GABRR2: variants seen among roughly 807,000 people sequenced by gnomAD.
GABRR2 encodes the protein gamma-aminobutyric acid type A receptor subunit rho2.
A neutral mutation model predicts 47.0 loss-of-function variants in GABRR2; 36 were observed. The ratio of observed to expected loss-of-function variants is 0.77; its 90% CI spans 0.59 to 1.01. GABRR2 has a LOEUF of 1.01. Ranked by LOEUF, GABRR2 falls within the 50% of genes least tolerant of loss-of-function variation. The pLI, the probability that GABRR2 is intolerant of heterozygous loss-of-function variation, is 0.00. For synonymous variants in GABRR2, 204 were observed against 227.5 expected (o/e 0.90, Z 0.93); for missense variants, 587 against 594.6 (o/e 0.99, Z 0.13).
At chr6:89,302,211 C>T (rs1459689437) in intron 1 of GABRR2, 5 of 559,062 alleles carry the variant, frequency 8.9e-6, no homozygotes, top group Admixed American at 4.0e-5. Context: ...GGCACAAGCT[C>T]GGGTATGGGC....
In GABRR2 at chr6:89,303,444, CAAAG is replaced by C. The variant is rs1179249137; in HGVS notation, c.114-3583_114-3580del. 9.4e-4 allele frequency among the ~76,000 whole-genome samples: 142 copies of C among 151,332 alleles called. 1 individual carries two copies. The highest frequency in any genetic ancestry group is 3.4e-3 in the African/African-American group (140 of 41,206). ...AAAAAAAAAGAAATCAGAGATGACACAAAGAAATGAAAATACATTTCATGCTCAT... is the reference window on the plus strand; with the variant it reads ...AAAAAAAAAGAAATCAGAGATGACACAAATGAAAATACATTTCATGCTCAT... On this transcript the variant is annotated intron_variant, in intron 1 of 8. Coordinates refer to ENST00000402938, the MANE Select transcript of GABRR2 (RefSeq NM_002043.5).
In GABRR2 at chr6:89,299,771, G is replaced by T. The variant is rs746361712; in HGVS notation, c.208C>A (p.Pro70Thr). 4 of 1,612,938 alleles carry T rather than the reference G, an allele frequency of 2.5e-6. No individual in the cohort carries two copies. Among genetic ancestry groups the T allele is most frequent in the African/African-American group, 1.3e-5 (1 of 74,910 alleles). The change falls in exon 2 of 9, where the codon CCC becomes ACC. Residue 70 changes from proline (P) to threonine (T), a missense_variant. Coordinates refer to ENST00000402938, the MANE Select transcript of GABRR2 (RefSeq NM_002043.5). ...RVDEHDFSMRPAFGGPAIPVG... is the reference protein window; with the variant it reads ...RVDEHDFSMRTAFGGPAIPVG... ...AGAACAGTCCTACCTCCGAAGGCGG[G>T]TCTCATGCTGAAGTCGTGCTCGTCC...
chr6:89,275,714 G>C (rs1319180244), intron 2 of GABRR2, among the ~76,000 whole-genome samples: 1 of 152,220 alleles, frequency 6.6e-6, no homozygotes, highest in Non-Finnish European at 1.5e-5. Context: ...GGGGAATTGA[G>C]AGGCAGAGAG....
chr6:89,310,734 A>C (rs1201486891), intron 1 of GABRR2, among the ~76,000 whole-genome samples: 1 of 118,808 alleles, frequency 8.4e-6, no homozygotes, highest in Non-Finnish European at 1.6e-5. Flanking sequence ...TTAGATGAGA[A>C]GCGGGAGGGG....
intron 2 of GABRR2, among the ~76,000 whole-genome samples, chr6:89,295,267 AG>A (rs1184255481): frequency 6.6e-6 from 1 of 152,188 alleles, no homozygotes; most frequent in East Asian, 1.9e-4. Context: ...ACAGTGTAAA[AG>A]TGTTCCTATT....
rs1287464651 is a variant in GABRR2, at chr6:89,268,054, A to C, written c.555T>G (p.Phe185Leu). ...AAGAACAGGTCTGGGAGTCCAGGGG[A>C]AAGTGGCTGAAGTCCATGTTGCACA... ...TAMCNMDFSH[F>L]PLDSQTCSLE... Residue 185 changes from phenylalanine to leucine, a missense_variant, in exon 5 of 9, where the codon TTT becomes TTG. Physicochemically the swap from Phe to Leu is conservative, Grantham distance 22. Transcript: ENST00000402938. 1 of 1,611,894 alleles carries C rather than the reference A, an allele frequency of 6.2e-7. No homozygotes were observed. The highest frequency in any genetic ancestry group is 2.2e-5 in the East Asian group (1 of 44,852).
intron 1 of GABRR2, among the ~76,000 whole-genome samples, chr6:89,310,864 A>G (rs1045945916): frequency 2.0e-5 from 3 of 152,204 alleles, no homozygotes; most frequent in African/African-American, 7.2e-5. Context: ...GGTAATGGGA[A>G]GACAACGAAG....
At chr6:89,263,953 C>T (rs1415347629) in intron 8 of GABRR2, among the ~76,000 whole-genome samples, 1 of 152,136 alleles carries the variant, frequency 6.6e-6, no homozygotes, top group African/African-American at 2.4e-5. Flanking sequence ...TAAATAAAGG[C>T]ACTTTTTGTT....
rs1413578788 is a variant in GABRR2 at position 89,267,914 on chromosome 6, G to A, written c.596-95C>T. ...CCTATGCCAGTCCAGAAGTAAATAGGTCTTAACGCTGGCGGGCAGTGCTCA... is the reference window on the plus strand; with the variant it reads ...CCTATGCCAGTCCAGAAGTAAATAGATCTTAACGCTGGCGGGCAGTGCTCA... On this transcript the variant is annotated intron_variant, in intron 5 of 8. Transcript: ENST00000402938. The A allele has an allele frequency of 1.1e-5, 17 of 1,572,654 alleles. No individual in the cohort carries two copies. The African/African-American group carries it at 1.9e-4, about 18-fold the overall frequency.
intron 1 of GABRR2, chr6:89,301,824 C>G: frequency 1.0e-6 from 1 of 1,001,826 alleles, no homozygotes; most frequent in African/African-American, 1.6e-5. Context: ...AGTGCGGCAA[C>G]TAGATCGGGG....
intron 2 of GABRR2, among the ~76,000 whole-genome samples, chr6:89,276,156 T>C (rs1271844922): frequency 6.8e-6 from 1 of 147,890 alleles, no homozygotes; most frequent in African/African-American, 2.4e-5. Flanking sequence ...ATTATTTATA[T>C]TATTATATAA....
rs753806128 is a variant in GABRR2, at chr6:89,257,813, C to T, written c.1255G>A (p.Ala419Thr). The change falls in exon 9 of 9, where the codon GCT (alanine) becomes ACT (threonine). Residue 419 changes from alanine to threonine, a missense_variant. Physicochemically the swap from Ala to Thr is moderately conservative, Grantham distance 58. Transcript: ENST00000402938. ...TTCAGAAGCCCCTTCTTTCTGGCAG[C>T]GTTGGCTTCACCACTCAGGCCCAGG... is the stretch of plus-strand genomic sequence containing the variant. Reference protein sequence around the residue: ...VHLGLSGEANAARKKGLLKGQ... With the variant: ...VHLGLSGEANTARKKGLLKGQ... The T allele has an allele frequency of 5.0e-6, 8 of 1,614,048 alleles. No homozygotes were observed. Among genetic ancestry groups the T allele is most frequent in the East Asian group, 2.2e-5 (1 of 44,886 alleles).
intron 2 of GABRR2, among the ~76,000 whole-genome samples, chr6:89,294,396 T>C (rs1774521592): frequency 6.6e-6 from 1 of 152,118 alleles, no homozygotes; most frequent in Non-Finnish European, 1.5e-5. Context: ...TCCACCCACC[T>C]TGACCTCCCA....
At chr6:89,302,014 G>A (rs770734091) in intron 1 of GABRR2, 53 of 686,426 alleles carry the variant, frequency 7.7e-5, no homozygotes, top group South Asian at 2.5e-4. Flanking sequence ...GTGTCGGCTC[G>A]GGGCCTTTTG....
At chr6:89,301,645 C>T (rs959334366) in intron 1 of GABRR2, 3 of 426,028 alleles carry the variant, frequency 7.0e-6, no homozygotes, top group African/African-American at 6.0e-5. Context: ...GAATAAAATG[C>T]CTAGGAATAC....
Position 89,315,237 on chromosome 6 carries a change from C to T in GABRR2, c.-72G>A, listed in dbSNP as rs759057714. 4 of 1,606,080 alleles carry T rather than the reference C, an allele frequency of 2.5e-6. No homozygotes were observed. In the African/African-American group the frequency reaches 5.4e-5, roughly 21 times the overall value. ...GCAGAGCAAATCCCCCCTGGCTTGA[C>T]CATTGATCCATCTGCTGCCTCCTGA... is the stretch of plus-strand genomic sequence containing the variant. On this transcript the variant is annotated 5_prime_UTR_variant, in exon 1 of 9. An upstream open reading frame in the 5' UTR gains an earlier in-frame stop. Coordinates refer to ENST00000402938, the MANE Select transcript of GABRR2 (RefSeq NM_002043.5).
Position 89,257,530 on chromosome 6 carries a change from G to A in GABRR2, c.*140C>T. The A allele has an allele frequency of 1.4e-6, 1 of 703,952 alleles. No individual in the cohort carries two copies. Among genetic ancestry groups the A allele is most frequent in the Non-Finnish European group, 2.3e-6 (1 of 430,594 alleles). The allele number at this position is 703,952 out of a possible 1,614,324, so 43.6% of individuals were successfully genotyped here. ...AGCTGGAAGGCTCCTGGGCTTCTCT[G>A]AGAGATGAGTGCTGCTCAGGGTGGT... is the stretch of plus-strand genomic sequence containing the variant. On this transcript the variant is annotated 3_prime_UTR_variant, in exon 9 of 9. Coordinates refer to ENST00000402938, the MANE Select transcript of GABRR2 (RefSeq NM_002043.5).
intron 2 of GABRR2, among the ~76,000 whole-genome samples, chr6:89,272,565 C>A (rs763920721): frequency 1.3e-5 from 2 of 152,170 alleles, no homozygotes; most frequent in Non-Finnish European, 2.9e-5. Flanking sequence ...AAGGGAAAAA[C>A]CAGCAACCTG....
chr6:89,269,760 G>A (rs935570341), intron 3 of GABRR2, among the ~76,000 whole-genome samples: 20 of 152,218 alleles, frequency 1.3e-4, no homozygotes, highest in South Asian at 4.1e-4. Context: ...AAAGCACAGA[G>A]TAGATGCTCA....
Sources: allele counts gnomAD v4.1 joint callset (sites outside exome capture counted in the v4.1 genomes callset), GRCh38; gene constraint gnomAD v4.1.1; transcripts MANE v1.5; gene names NCBI Gene and HGNC (gene_info 2026-07-23, HGNC 2026-07-21).